TET1: variants seen among roughly 807,000 people sequenced by gnomAD.
TET1 encodes the protein methylcytosine dioxygenase TET1.
Under a neutral mutation model 148.7 loss-of-function variants are expected in TET1, and 13 were observed. That is an observed-to-expected ratio of 0.09 (90% CI 0.06 to 0.14). The LOEUF (loss-of-function observed/expected upper bound fraction) is 0.14. Among genes scored for constraint, TET1 ranks in the 10% least tolerant of loss-of-function variants. The pLI, the probability that TET1 is intolerant of heterozygous loss-of-function variation, is 1.00. For missense variants in TET1, 2,182 were observed against 2,553.8 expected, an observed-to-expected ratio of 0.85 and a Z score of 3.14; for synonymous variants, 907 against 937.2, an observed-to-expected ratio of 0.97 and a Z score of 0.59.
intron 1 of TET1, among the ~76,000 whole-genome samples, chr10:68,565,599 T>A (rs1031809945): frequency 2.0e-5 from 3 of 151,100 alleles, no homozygotes; most frequent in African/African-American, 7.3e-5. Flanking sequence ...AAAAAAGAAA[T>A]TAATTTCTGG....
At chr10:68,618,868 G>A (rs2132958321) in intron 3 of TET1, among the ~76,000 whole-genome samples, 1 of 152,310 alleles carries the variant, frequency 6.6e-6, no homozygotes, top group Admixed American at 6.5e-5. Flanking sequence ...TTGGGAGGTT[G>A]AGCTGGGAGG....
At chr10:68,647,044 C>T (rs2054861297) in intron 4 of TET1, 39 bp downstream of exon 4, 1 of 1,548,438 alleles carries the variant, frequency 6.5e-7, no homozygotes, top group South Asian at 1.3e-5. Context: ...TTCACCTGCA[C>T]AAATTACCTC....
In TET1 at chr10:68,572,618, C is replaced by G. The variant is rs1303982196; in HGVS notation, c.280C>G (p.Pro94Ala). The G allele has an allele frequency of 5.0e-6, 8 of 1,614,110 alleles. No individual in the cohort carries two copies. Among genetic ancestry groups the G allele is most frequent in the Non-Finnish European group, 6.8e-6 (8 of 1,180,022 alleles). ...TAGGACTGAGGTTCTTTTTCAGAAC[C>G]CAGAGTCCTTAACCTGCAATGGGTT... ...LDRTEVLFQN[P>A]ESLTCNGFTM... The change falls in exon 2 of 12, where the codon CCA becomes GCA. Residue 94 changes from proline to alanine, a missense_variant. Pro to Ala is a conservative substitution (Grantham distance 27). Coordinates refer to ENST00000373644, the MANE Select transcript of TET1 (RefSeq NM_030625.3).
At chr10:68,664,357 AAT>A (rs373121976) in intron 6 of TET1, among the ~76,000 whole-genome samples, 113 of 151,998 alleles carry the variant, frequency 7.4e-4, no homozygotes, top group African/African-American at 2.6e-3. Flanking sequence ...TATCATGTCA[AAT>A]ATATGTCATG....
At chr10:68,675,700 C>T (rs1488036509) in intron 8 of TET1, among the ~76,000 whole-genome samples, 2 of 151,280 alleles carry the variant, frequency 1.3e-5, no homozygotes, top group Non-Finnish European at 2.9e-5. Context: ...GCTGGGATTA[C>T]AGGCATGAGA....
intron 3 of TET1, among the ~76,000 whole-genome samples, chr10:68,607,528 G>A (rs115087876): frequency 6.6e-6 from 1 of 151,628 alleles, no homozygotes; most frequent in African/African-American, 2.4e-5. Context: ...TGCCTCCGGG[G>A]TTCAAGAGAT....
intron 3 of TET1, among the ~76,000 whole-genome samples, chr10:68,623,209 T>C (rs910828835): frequency 3.3e-5 from 5 of 152,238 alleles, no homozygotes; most frequent in African/African-American, 1.2e-4. Context: ...ATTTTCTGTT[T>C]CTACCATTCC....
At chr10:68,666,395 C>G (rs1343498653) in intron 6 of TET1, among the ~76,000 whole-genome samples, 1 of 152,034 alleles carries the variant, frequency 6.6e-6, no homozygotes, top group Admixed American at 6.6e-5. Context: ...ATGAGTCACC[C>G]AAAGGAAAAG....
chr10:68,614,135 C>T (rs1200165859), intron 3 of TET1, among the ~76,000 whole-genome samples: 1 of 152,188 alleles, frequency 6.6e-6, no homozygotes, highest in Non-Finnish European at 1.5e-5. Context: ...GAAATTTAAT[C>T]CACCTGTCCA....
intron 10 of TET1, among the ~76,000 whole-genome samples, chr10:68,684,140 C>A (rs1394517208): frequency 3.3e-5 from 5 of 152,104 alleles, no homozygotes; most frequent in African/African-American, 1.2e-4. Flanking sequence ...TGTAATCCCA[C>A]CTACTTCGGA....
chr10:68,600,395 A>AC (rs2054039093), intron 2 of TET1, among the ~76,000 whole-genome samples: 1 of 152,120 alleles, frequency 6.6e-6, no homozygotes, highest in African/African-American at 2.4e-5. Context: ...TTTCGGCGCG[A>AC]CCAGATCCTC....
chr10:68,661,733 C>A (rs2055118264), intron 6 of TET1, among the ~76,000 whole-genome samples: 2 of 152,000 alleles, frequency 1.3e-5, no homozygotes, highest in Admixed American at 1.3e-4. Context: ...AATCCTCCTA[C>A]CTTGGCCTCT....
In TET1 at chr10:68,645,696, A is replaced by T. The variant is rs752785633; in HGVS notation, c.2967A>T (p.Ala989=). The change falls in exon 4 of 12, where the codon GCA becomes GCT. Residue 989 remains alanine (A), a synonymous_variant. Transcript: ENST00000373644. The part of the protein sequence containing the change: ...NSHINSATNQ[A]STKSHEYSKV... ...ATATCAACTCAGCTACTAACCAAGC[A>T]TCCACAAAGTCACATGAATATTCAA... The T allele has an allele frequency of 6.2e-7, 1 of 1,614,252 alleles. No individual in the cohort carries two copies.
chr10:68,647,690 C>G (rs2054871821), intron 4 of TET1, among the ~76,000 whole-genome samples: 1 of 152,026 alleles, frequency 6.6e-6, no homozygotes, highest in South Asian at 2.1e-4. Flanking sequence ...AACTTACAAG[C>G]CTTTCATTAT....
Position 68,573,904 on chromosome 10 carries a change from A to T in TET1, c.1566A>T (p.Gly522=). 1 of 1,613,870 alleles carries T rather than the reference A, an allele frequency of 6.2e-7. No individual in the cohort carries two copies. Among genetic ancestry groups the T allele is most frequent in the African/African-American group, 1.3e-5 (1 of 74,938 alleles). ...TQGFPLAPER[G]LFHASLGIAQ... The stretch of plus-strand genomic sequence containing the variant: ...GGTTCCCATTAGCCCCTGAGAGAGG[A>T]CTCTTCCATGCTTCACTGGGTATAG... The change falls in exon 2 of 12, where the codon GGA becomes GGT. Residue 522 remains glycine, a synonymous_variant. Coordinates refer to ENST00000373644, the MANE Select transcript of TET1 (RefSeq NM_030625.3).
intron 3 of TET1, among the ~76,000 whole-genome samples, chr10:68,631,433 C>CTTTTTTTTTTTTTTTTTTT (rs546257824): frequency 3.6e-5 from 4 of 110,588 alleles, no homozygotes; most frequent in African/African-American, 6.7e-5. Flanking sequence ...TTTCTTTCTT[C>CTTTTTTTTTTTTTTTTTTT]TTTTTTTTTT....
In TET1 at chr10:68,686,364, C is replaced by T. The variant is rs2055508888; in HGVS notation, c.5061C>T (p.Thr1687=). The part of the protein sequence containing the change: ...NMNNGSTVVC[T]LTREDNRSLG... The stretch of plus-strand genomic sequence containing the variant: ...GTTTTTCTCCCTATCAGGTTTGTAC[C>T]TTAACTCGAGAAGATAACCGCTCTT... Residue 1687 remains threonine, a synonymous_variant, in exon 11 of 12, where the codon ACC becomes ACT. Transcript: ENST00000373644. 6.2e-7 allele frequency: 1 copy of T among 1,603,074 alleles called. No homozygotes were observed. The highest frequency in any genetic ancestry group is 8.5e-7 in the Non-Finnish European group (1 of 1,173,598).
At position 68,569,166 on chromosome 10, in the gene TET1, C is replaced by CTTTTTTT. The variant is rs34385747; in HGVS notation, c.-122-3033_-122-3027dup. On this transcript the variant is annotated intron_variant, in intron 1 of 11. Coordinates refer to ENST00000373644, the MANE Select transcript of TET1 (RefSeq NM_030625.3). The stretch of plus-strand genomic sequence containing the variant: ...GCTGGATCTCCAGGCAGGAGAGTTT[C>CTTTTTTT]TTTTTTTTTTTTTTTTTTTTTTTTG... Among the ~76,000 whole-genome samples the CTTTTTTT allele has an allele frequency of 6.6e-4, 46 of 69,772 alleles. 1 individual carries two copies. Among genetic ancestry groups the CTTTTTTT allele is most frequent in the East Asian group, 2.9e-3 (6 of 2,100 alleles). The allele number at this position is 69,772 out of a possible 152,430, so 45.8% of individuals were successfully genotyped here.
chr10:68,602,460 A>G (rs907530269), intron 3 of TET1, among the ~76,000 whole-genome samples: 4 of 152,272 alleles, frequency 2.6e-5, no homozygotes, highest in Admixed American at 2.6e-4. Context: ...GTGGATGGGG[A>G]TTAGCAGGAG....
Sources: allele counts gnomAD v4.1 joint callset (sites outside exome capture counted in the v4.1 genomes callset), GRCh38; gene constraint gnomAD v4.1.1; transcripts MANE v1.5; gene names NCBI Gene and HGNC (gene_info 2026-07-23, HGNC 2026-07-21).